The following NCAM2 variants were observed in gnomAD, a reference collection of about 807,000 sequenced individuals.
The protein encoded by NCAM2 is neural cell adhesion molecule 2.
NCAM2 carries 30 observed loss-of-function variants against 98.1 expected under a neutral mutation model. The ratio of observed to expected loss-of-function variants is 0.31; its 90% CI spans 0.23 to 0.41. The LOEUF (loss-of-function observed/expected upper bound fraction) is 0.41. NCAM2 is among the 10% of genes least tolerant of loss of function. NCAM2 has a pLI of 1.00. For synonymous variants in NCAM2, 368 were observed against 342.4 expected (o/e 1.07, Z -0.83); for missense variants, 867 against 1,005.8 (o/e 0.86, Z 1.87).
chr21:21,392,434 T>C (rs982726031), intron 9 of NCAM2, among the ~76,000 whole-genome samples: 4 of 152,198 alleles, frequency 2.6e-5, no homozygotes, highest in Admixed American at 6.5e-5. Flanking sequence ...GTCTTTATAC[T>C]AGAATGATTT....
At chr21:21,383,105 A>G (rs1466785156) in intron 9 of NCAM2, among the ~76,000 whole-genome samples, 2 of 152,116 alleles carry the variant, frequency 1.3e-5, no homozygotes, top group African/African-American at 2.4e-5. Flanking sequence ...ACTGGTTGTC[A>G]AAAAATACTG....
intron 8 of NCAM2, among the ~76,000 whole-genome samples, chr21:21,364,703 T>C (rs941107731): frequency 1.3e-5 from 2 of 152,080 alleles, no homozygotes; most frequent in African/African-American, 4.8e-5. Flanking sequence ...CAGATACTTT[T>C]AATTTTATGG....
At chr21:21,431,615 T>A (rs2077346122) in intron 11 of NCAM2, among the ~76,000 whole-genome samples, 1 of 152,200 alleles carries the variant, frequency 6.6e-6, no homozygotes, top group African/African-American at 2.4e-5. Context: ...GACATTTTTC[T>A]CAAAACTTAG....
At chr21:21,118,332 CG>C (rs1032839270) in intron 1 of NCAM2, among the ~76,000 whole-genome samples, 5 of 151,868 alleles carry the variant, frequency 3.3e-5, no homozygotes, top group African/African-American at 1.2e-4. Flanking sequence ...AAAGATGCAG[CG>C]GGGGGGCAGG....
chr21:21,165,150 G>A (rs1226465866), intron 1 of NCAM2, among the ~76,000 whole-genome samples: 3 of 152,072 alleles, frequency 2.0e-5, no homozygotes, highest in Non-Finnish European at 4.4e-5. Flanking sequence ...AAGGGCAAAG[G>A]GAAATGGCAG....
chr21:21,007,561 T>C (rs1056298454), intron 1 of NCAM2, among the ~76,000 whole-genome samples: 29 of 152,274 alleles, frequency 1.9e-4, no homozygotes, highest in African/African-American at 7.0e-4. Flanking sequence ...TTCCTGAAAC[T>C]GAAGGTGCCT....
intron 1 of NCAM2, among the ~76,000 whole-genome samples, chr21:21,255,452 A>G (rs2071631903): frequency 6.6e-6 from 1 of 152,214 alleles, no homozygotes; most frequent in Non-Finnish European, 1.5e-5. Context: ...TGCCAGGTGG[A>G]AGTAATCCAT....
At chr21:21,381,787 TTCATCTATATGTGG>T (rs2076159471) in intron 9 of NCAM2, among the ~76,000 whole-genome samples, 1 of 152,148 alleles carries the variant, frequency 6.6e-6, no homozygotes, top group Non-Finnish European at 1.5e-5. Context: ...TTTATATGTA[TTCATCTATATGTGG>T]TTTCTTTATT....
At chr21:21,288,470 G>A (rs1214351023) in intron 4 of NCAM2, among the ~76,000 whole-genome samples, 1 of 151,592 alleles carries the variant, frequency 6.6e-6, no homozygotes, top group Non-Finnish European at 1.5e-5. Context: ...AATGGGTATA[G>A]TTTAACGTGA....
chr21:21,261,657 A>G (rs937624052), intron 1 of NCAM2, among the ~76,000 whole-genome samples: 1 of 152,174 alleles, frequency 6.6e-6, no homozygotes, highest in African/African-American at 2.4e-5. Context: ...AAAATTTTTG[A>G]AACAAATGAA....
intron 1 of NCAM2, among the ~76,000 whole-genome samples, chr21:21,065,686 C>A (rs2065421282): frequency 6.6e-6 from 1 of 152,112 alleles, no homozygotes; most frequent in African/African-American, 2.4e-5. Context: ...ATTCAATATT[C>A]ATTGTTTAAA....
At chr21:21,318,784 T>C (rs887140758) in intron 5 of NCAM2, among the ~76,000 whole-genome samples, 13 of 152,326 alleles carry the variant, frequency 8.5e-5, no homozygotes, top group African/African-American at 2.9e-4. Context: ...AGGTGACTTA[T>C]ACTTGCCCAA....
At chr21:21,518,496 C>T (rs1988835734) in intron 16 of NCAM2, among the ~76,000 whole-genome samples, 1 of 151,958 alleles carries the variant, frequency 6.6e-6, no homozygotes, top group Non-Finnish European at 1.5e-5. Flanking sequence ...TTTTATGCCT[C>T]CTAATAATTT....
At chr21:21,076,336 T>A (rs9979701) in intron 1 of NCAM2, among the ~76,000 whole-genome samples, 12,701 of 152,186 alleles carry the variant, frequency 0.083, 594 homozygotes, top group East Asian at 0.18. Flanking sequence ...TTCTTCAGTT[T>A]CTGTTGTGAT....
intron 1 of NCAM2, among the ~76,000 whole-genome samples, chr21:21,268,953 C>G (rs779694866): frequency 1.3e-5 from 2 of 152,118 alleles, no homozygotes; most frequent in African/African-American, 4.8e-5. Flanking sequence ...AAACCTGAAC[C>G]CTGTCCCCAC....
chr21:21,017,736 A>C (rs1047529700), intron 1 of NCAM2, among the ~76,000 whole-genome samples: 1 of 152,136 alleles, frequency 6.6e-6, no homozygotes, highest in Non-Finnish European at 1.5e-5. Flanking sequence ...TAGGATAGCT[A>C]TGCTTTTTCT....
chr21:21,095,500 G>T (rs1010112904), intron 1 of NCAM2, among the ~76,000 whole-genome samples: 2 of 149,796 alleles, frequency 1.3e-5, no homozygotes, highest in African/African-American at 4.9e-5. Context: ...AAAAAAAAAA[G>T]CAGGAAAAAA....
chr21:21,223,456 A>C (rs1175774922), intron 1 of NCAM2: 2 of 152,074 alleles, frequency 1.3e-5, no homozygotes, highest in African/African-American at 4.8e-5. Flanking sequence ...AAAGCTCATG[A>C]TTTCAGGTTA....
intron 8 of NCAM2, among the ~76,000 whole-genome samples, 159 bp from the exon 9 acceptor site, chr21:21,373,704 C>G (rs979447027): frequency 1.3e-5 from 2 of 151,634 alleles, no homozygotes; most frequent in Non-Finnish European, 2.9e-5. Context: ...TTAAAAAAAA[C>G]TTATTCTTAG....
Sources: allele counts gnomAD v4.1 joint callset (sites outside exome capture counted in the v4.1 genomes callset), GRCh38; gene constraint gnomAD v4.1.1; transcripts MANE v1.5; gene names NCBI Gene and HGNC (gene_info 2026-07-23, HGNC 2026-07-21).